The following PRMT8 variants were observed in gnomAD, a reference collection of about 807,000 sequenced individuals.
The protein encoded by PRMT8 is protein arginine N-methyltransferase 8.
In PRMT8, 7 loss-of-function variants were observed where a neutral mutation model predicts 47.1. The ratio of observed to expected loss-of-function variants is 0.15; its 90% CI spans 0.08 to 0.28. The LOEUF (loss-of-function observed/expected upper bound fraction) is 0.28, where lower values mean the gene tolerates loss of function less well. Among genes scored for constraint, PRMT8 ranks in the 10% least tolerant of loss-of-function variants. PRMT8 has a pLI of 1.00. For synonymous variants in PRMT8, 188 were observed against 186.5 expected (o/e 1.01, Z -0.07); for missense variants, 237 against 505.4 (o/e 0.47, Z 5.09).
chr12:3,527,613 G>A (rs1340471912), intron 1 of PRMT8, among the ~76,000 whole-genome samples: 4 of 152,002 alleles, frequency 2.6e-5, no homozygotes, highest in Admixed American at 6.6e-5. Context: ...TTTGGCCTTT[G>A]TGCTATTGCT....
At chr12:3,578,797 G>A (rs1027578303) in intron 7 of PRMT8, among the ~76,000 whole-genome samples, 6 of 152,142 alleles carry the variant, frequency 3.9e-5, no homozygotes, top group African/African-American at 7.2e-5. Flanking sequence ...AACTGCACCC[G>A]TTGGGCTGGA....
intron 1 of PRMT8, among the ~76,000 whole-genome samples, chr12:3,397,730 G>A (rs1341458861): frequency 1.2e-4 from 18 of 152,168 alleles, no homozygotes; most frequent in East Asian, 7.7e-4. Flanking sequence ...GAGCTGTGGT[G>A]GGCTCCCCCC....
intron 1 of PRMT8, among the ~76,000 whole-genome samples, chr12:3,432,822 G>A (rs1226358076): frequency 6.6e-6 from 1 of 152,142 alleles, no homozygotes; most frequent in Non-Finnish European, 1.5e-5. Flanking sequence ...AGTCACTTGG[G>A]ACTCAACACA....
chr12:3,388,068 C>CCTGT (rs578128274), intron 1 of PRMT8, among the ~76,000 whole-genome samples: 5,450 of 151,210 alleles, frequency 0.036, 176 homozygotes, highest in Non-Finnish European at 0.058. Context: ...TCCCTCCCTC[C>CCTGT]CTGTCTGTCT....
upstream of PRMT8, among the ~76,000 whole-genome samples, chr12:3,490,543 G>C (rs1284068319): frequency 7.4e-6 from 1 of 134,400 alleles, no homozygotes; most frequent in Non-Finnish European, 1.6e-5. Context: ...GGGAAGACTG[G>C]AGTGGGGGGG....
intron 1 of PRMT8, among the ~76,000 whole-genome samples, chr12:3,494,620 A>T (rs923383446): frequency 3.9e-5 from 6 of 152,216 alleles, no homozygotes; most frequent in African/African-American, 1.4e-4. Context: ...GATGGGAGAA[A>T]GTGTTCGTTC....
At chr12:3,547,618 C>CA (rs1331230247) in intron 2 of PRMT8, among the ~76,000 whole-genome samples, 1 of 151,818 alleles carries the variant, frequency 6.6e-6, no homozygotes, top group Admixed American at 6.6e-5. Context: ...TCTCTACCCC[C>CA]AAAATACAAA....
chr12:3,567,613 G>A lies in PRMT8; in HGVS notation c.482-1093G>A, dbSNP rs78881358. 1.9e-3 allele frequency among the ~76,000 whole-genome samples: 287 copies of A among 152,258 alleles called. 3 individuals are homozygous for A. Among genetic ancestry groups the A allele is most frequent in the African/African-American group, 6.7e-3 (279 of 41,552 alleles). ...CTGCTACTCAACCTCTCTAAGCCTC[G>A]GTTTCCTTAGTTGTAAACAAAAATA... On this transcript the variant is annotated intron_variant, in intron 4 of 9. Coordinates refer to ENST00000382622, the MANE Select transcript of PRMT8 (RefSeq NM_019854.5).
chr12:3,543,888 C>A (rs148228729), intron 2 of PRMT8, among the ~76,000 whole-genome samples: 1 of 152,182 alleles, frequency 6.6e-6, no homozygotes, highest in Non-Finnish European at 1.5e-5. Flanking sequence ...ACCTCCCAGA[C>A]CCCAGCTCTG....
At chr12:3,401,442 T>G (rs1864315735) in intron 1 of PRMT8, among the ~76,000 whole-genome samples, 1 of 151,994 alleles carries the variant, frequency 6.6e-6, no homozygotes, top group Non-Finnish European at 1.5e-5. Context: ...CTCTCACCAC[T>G]CCTATTCAAC....
chr12:3,444,993 A>G (rs1490514884), intron 1 of PRMT8, among the ~76,000 whole-genome samples: 1 of 152,174 alleles, frequency 6.6e-6, no homozygotes, highest in Non-Finnish European at 1.5e-5. Context: ...GTGATGGGGA[A>G]GGGAGGGCTT....
Position 3,579,726 on chromosome 12 carries a change from C to T in PRMT8, c.828+2740C>T, listed in dbSNP as rs1036650263. ...TCACACACTTAATTGCTATTTTCAT[C>T]GCTATTAACATTGCAGAGTGTGACA... is the stretch of plus-strand genomic sequence containing the variant. On this transcript the variant is annotated intron_variant, in intron 7 of 9. Coordinates refer to ENST00000382622, the MANE Select transcript of PRMT8 (RefSeq NM_019854.5). Among the ~76,000 whole-genome samples, 18 of 152,308 alleles carry T rather than the reference C, an allele frequency of 1.2e-4. 1 individual carries two copies. The highest frequency in any genetic ancestry group is 5.2e-4 in the Admixed American group (8 of 15,308).
At chr12:3,497,263 C>T (rs1286946101) in intron 1 of PRMT8, among the ~76,000 whole-genome samples, 6 of 152,190 alleles carry the variant, frequency 3.9e-5, no homozygotes, top group African/African-American at 1.4e-4. Flanking sequence ...AGAGTGAGCA[C>T]AGGCAAGAAG....
chr12:3,437,495 G>GT lies in PRMT8; in HGVS notation c.48+56058dup, dbSNP rs549949098. Among the ~76,000 whole-genome samples the GT allele has an allele frequency of 5.7e-3, 872 of 152,022 alleles. 9 individuals carry two copies. Among genetic ancestry groups the GT allele is most frequent in the African/African-American group, 0.014 (569 of 41,432 alleles). The stretch of plus-strand genomic sequence containing the variant: ...TAAAAAGCATAGTGCTCGATAAGCA[G>GT]TTTTTGAATCCTCATCGTCCTCCCA... On this transcript the variant is annotated intron_variant, in intron 1 of 9. Transcript: ENST00000452611.
intron 1 of PRMT8, among the ~76,000 whole-genome samples, chr12:3,472,454 T>C (rs1249896156): frequency 6.6e-6 from 1 of 152,166 alleles, no homozygotes; most frequent in African/African-American, 2.4e-5. Flanking sequence ...GTGCTTGGCT[T>C]TGGTGTAAGA....
chr12:3,411,177 T>C (rs1186291738), intron 1 of PRMT8, among the ~76,000 whole-genome samples: 1 of 152,186 alleles, frequency 6.6e-6, no homozygotes, highest in Non-Finnish European at 1.5e-5. Flanking sequence ...GAACCTGCCC[T>C]CCATTTTGGT....
Position 3,436,231 on chromosome 12 carries a change from A to C in PRMT8, c.48+54789A>C, listed in dbSNP as rs1055351245. Among the ~76,000 whole-genome samples, 10 of 152,188 alleles carry C rather than the reference A, an allele frequency of 6.6e-5. No individual in the cohort carries two copies. Among genetic ancestry groups the C allele is most frequent in the Non-Finnish European group, 1.3e-4 (9 of 68,024 alleles). On this transcript the variant is annotated intron_variant, in intron 1 of 9. Transcript: ENST00000452611. The surrounding 1 kb of genome is among the most constrained non-coding windows in gnomAD (Gnocchi z 4.2). ...TCCAATCACACACTAAGTTCGTGTC[A>C]GTCCTGGAGAAATATTTAGTTTTTC...
chr12:3,581,154 T>C (rs1264497489), intron 7 of PRMT8, among the ~76,000 whole-genome samples: 1 of 152,088 alleles, frequency 6.6e-6, no homozygotes, highest in Non-Finnish European at 1.5e-5. Flanking sequence ...GAGGACCTGA[T>C]GTGGTCAGTA....
At chr12:3,509,143 T>C (rs937132760) in intron 1 of PRMT8, among the ~76,000 whole-genome samples, 1 of 152,162 alleles carries the variant, frequency 6.6e-6, no homozygotes. Context: ...CTCCCTTCCT[T>C]AAACCCCATC....
Sources: allele counts gnomAD v4.1 joint callset (sites outside exome capture counted in the v4.1 genomes callset), GRCh38; gene constraint gnomAD v4.1.1; non-coding constraint Gnocchi (gnomAD v3.1); transcripts MANE v1.5; gene names NCBI Gene and HGNC (gene_info 2026-07-23, HGNC 2026-07-21).